RCAN3: variants seen among roughly 807,000 people sequenced by gnomAD.
RCAN3 encodes the protein regulator of calcineurin 3.
Under a neutral mutation model 21.9 loss-of-function variants are expected in RCAN3, and 19 were observed. The observed-to-expected ratio is 0.87, with a 90% CI of 0.61 to 1.27. The LOEUF (loss-of-function observed/expected upper bound fraction) is 1.27. Ranked by LOEUF, RCAN3 falls within the 50% of genes most tolerant of loss-of-function variation. The probability of loss-of-function intolerance (pLI) is 0.00; values close to 1 mark genes in which losing one functional copy is unlikely to be tolerated. For synonymous variants in RCAN3, 114 were observed against 112.3 expected, an observed-to-expected ratio of 1.01 and a Z score of -0.09; for missense variants, 240 against 300.1, an observed-to-expected ratio of 0.80 and a Z score of 1.48.
rs1650443313 is a variant in RCAN3 at position 24,540,631 on chromosome 1, C to A, written c.*5354C>A. On this transcript the variant is annotated 3_prime_UTR_variant, in exon 5 of 5. Coordinates refer to ENST00000374395, the MANE Select transcript of RCAN3 (RefSeq NM_013441.4). ...GACGGTTCTGCTATAATGTGCGTGC[C>A]CTTCAAGTTTCAGAAAACTTTCCCA... The A allele has an allele frequency of 6.6e-6, 1 of 152,120 alleles. No homozygotes were observed. Among genetic ancestry groups the A allele is most frequent in the Non-Finnish European group, 1.5e-5 (1 of 68,012 alleles). The allele number at this position is 152,120 out of a possible 1,614,324, so 9.4% of individuals were successfully genotyped here. A position where few individuals can be genotyped will look rare whatever the true frequency, so the allele number is the denominator to read the frequency against.
At chr1:24,509,671 A>C (rs1367812208) in intron 1 of RCAN3, among the ~76,000 whole-genome samples, 2 of 152,164 alleles carry the variant, frequency 1.3e-5, no homozygotes, top group Non-Finnish European at 2.9e-5. Context: ...TGAACACCTC[A>C]GAGTCATCCA....
At chr1:24,505,132 G>C (rs536447703) in intron 1 of RCAN3, among the ~76,000 whole-genome samples, 2 of 150,068 alleles carry the variant, frequency 1.3e-5, no homozygotes, top group African/African-American at 4.9e-5. Flanking sequence ...TAAATGAGTA[G>C]AGAATAGAAG....
intron 1 of RCAN3, among the ~76,000 whole-genome samples, 170 bp from the exon 2 acceptor site, chr1:24,514,144 A>T (rs60021876): frequency 1.3e-4 from 20 of 152,374 alleles, no homozygotes; most frequent in African/African-American, 4.6e-4. Context: ...AAATCAAATT[A>T]GCGTATCTAG....
chr1:24,522,380 C>T (rs1383251488), intron 2 of RCAN3, among the ~76,000 whole-genome samples: 4 of 152,184 alleles, frequency 2.6e-5, no homozygotes. Flanking sequence ...TTGATGCATG[C>T]ACAGACTTGG....
intron 1 of RCAN3, among the ~76,000 whole-genome samples, chr1:24,511,492 A>C (rs1218169936): frequency 6.6e-6 from 1 of 151,264 alleles, no homozygotes; most frequent in East Asian, 1.9e-4. Context: ...GAACACCCAC[A>C]ACACGTATTG....
intron 1 of RCAN3, among the ~76,000 whole-genome samples, chr1:24,513,866 C>T (rs1046936525): frequency 6.6e-6 from 1 of 152,140 alleles, no homozygotes; most frequent in Non-Finnish European, 1.5e-5. Context: ...TCATCACAGA[C>T]CATATTTCAG....
chr1:24,535,311 G>C lies in RCAN3; in HGVS notation c.*34G>C. 1 of 1,506,160 alleles carries C rather than the reference G, an allele frequency of 6.6e-7. No homozygotes were observed. The highest frequency in any genetic ancestry group is 8.8e-7 in the Non-Finnish European group (1 of 1,134,974). 93.3% of individuals were successfully genotyped at this position (1,506,160 alleles called of 1,614,324 possible). A position where few individuals can be genotyped will look rare whatever the true frequency, so the allele number is the denominator to read the frequency against. ...GTTGTGGTGCGAGGCGGCTGCCCTG[G>C]TGGGCTCTGGCCATGGCGCTCTGTG... is the stretch of plus-strand genomic sequence containing the variant. On this transcript the variant is annotated 3_prime_UTR_variant, in exon 5 of 5. Coordinates refer to ENST00000374395, the MANE Select transcript of RCAN3 (RefSeq NM_013441.4).
chr1:24,512,155 GC>G (rs1467520730), intron 1 of RCAN3, among the ~76,000 whole-genome samples: 1 of 152,024 alleles, frequency 6.6e-6, no homozygotes. Context: ...TTCGAGACCA[GC>G]CTGGCCAACA....
chr1:24,511,436 C>T (rs1455859613), intron 1 of RCAN3, among the ~76,000 whole-genome samples: 1 of 152,132 alleles, frequency 6.6e-6, no homozygotes, highest in African/African-American at 2.4e-5. Flanking sequence ...TAAGAACACC[C>T]ACGACGTGTA....
rs557600612 is a variant in RCAN3, at chr1:24,532,927, C to CA, written c.370-156_370-155insA. On this transcript the variant is annotated intron_variant, in intron 3 of 4. Coordinates refer to ENST00000374395, the MANE Select transcript of RCAN3 (RefSeq NM_013441.4). Reference sequence around the variant, plus strand: ...TTGGACCACTGCACTCCAGCCTGGGCGACAAAGTGAGACTCCGTCTCAAAA... The same window carrying CA: ...TTGGACCACTGCACTCCAGCCTGGGCAGACAAAGTGAGACTCCGTCTCAAAA... 6.1e-3 allele frequency among the ~76,000 whole-genome samples: 692 copies of CA among 112,610 alleles called. 8 individuals carry two copies. Among genetic ancestry groups the CA allele is most frequent in the Middle Eastern group, 0.01 (1 of 98 alleles). 73.9% of individuals were successfully genotyped at this position (112,610 alleles called of 152,430 possible). A position where few individuals can be genotyped will look rare whatever the true frequency, so the allele number is the denominator to read the frequency against.
At chr1:24,533,642 T>G (rs936654305) in intron 4 of RCAN3, among the ~76,000 whole-genome samples, 12 of 151,866 alleles carry the variant, frequency 7.9e-5, no homozygotes, top group African/African-American at 2.7e-4. Flanking sequence ...TCTACTAAAA[T>G]ATAAAAAATT....
Position 24,503,124 on chromosome 1 carries a change from C to G in RCAN3, c.-86C>G, listed in dbSNP as rs1647210626. 1 of 148,484 alleles carries G rather than the reference C, an allele frequency of 6.7e-6. No individual in the cohort carries two copies. The highest frequency in any genetic ancestry group is 1.5e-5 in the Non-Finnish European group (1 of 66,516). 9.2% of individuals were successfully genotyped at this position (148,484 alleles called of 1,614,324 possible). Reference sequence around the variant, plus strand: ...GCGGCGGCGGGGCGTGCAGGTGAGGCCCCACGGCGCCCGGCCTCTCCAGCA... The same window carrying G: ...GCGGCGGCGGGGCGTGCAGGTGAGGGCCCACGGCGCCCGGCCTCTCCAGCA... On this transcript the variant is annotated 5_prime_UTR_variant, in exon 1 of 5. Coordinates refer to ENST00000374395, the MANE Select transcript of RCAN3 (RefSeq NM_013441.4).
chr1:24,528,246 GAAAAAAAGAAAAAA>G (rs957686548), intron 2 of RCAN3, among the ~76,000 whole-genome samples: 71 of 63,014 alleles, frequency 1.1e-3, no homozygotes, highest in Middle Eastern at 7.9e-3. Context: ...AAAATAGTTG[GAAAAAAAGAAAAAA>G]AAAAAAAGAA....
intron 1 of RCAN3, among the ~76,000 whole-genome samples, chr1:24,507,350 T>G (rs1647522134): frequency 6.6e-6 from 1 of 152,234 alleles, no homozygotes; most frequent in Non-Finnish European, 1.5e-5. Flanking sequence ...AGTCTCACCA[T>G]TGCCTCCTTG....
chr1:24,514,318 T>A lies in RCAN3; in HGVS notation c.-55T>A, dbSNP rs537904114. 63 of 1,405,234 alleles carry A rather than the reference T, an allele frequency of 4.5e-5. 1 individual carries two copies. In the South Asian group the frequency reaches 1.0e-3, roughly 23 times the overall value. The allele number at this position is 1,405,234 out of a possible 1,614,324, so 87.0% of individuals were successfully genotyped here. On this transcript the variant is annotated 5_prime_UTR_variant, in exon 2 of 5. Coordinates refer to ENST00000374395, the MANE Select transcript of RCAN3 (RefSeq NM_013441.4). The stretch of plus-strand genomic sequence containing the variant: ...CATTTTCTTTTTTTTTAACAGTGGG[T>A]GCCTGATAGACATCCTAGGACTATA...
chr1:24,521,151 T>A (rs1648771693), intron 2 of RCAN3, among the ~76,000 whole-genome samples: 1 of 152,194 alleles, frequency 6.6e-6, no homozygotes, highest in African/African-American at 2.4e-5. Flanking sequence ...GAGACGAACC[T>A]TTGTATATAT....
chr1:24,515,804 G>A (rs1648269778), intron 2 of RCAN3, among the ~76,000 whole-genome samples: 1 of 152,122 alleles, frequency 6.6e-6, no homozygotes, highest in Admixed American at 6.6e-5. Flanking sequence ...AGGCAGCAGG[G>A]ATGACAAGCA....
rs1557582047 is a variant in RCAN3, at chr1:24,535,285, GGT to G, written c.*9_*10del. 6.6e-7 allele frequency: 1 copy of G among 1,526,130 alleles called. No individual in the cohort carries two copies. Among genetic ancestry groups the G allele is most frequent in the South Asian group, 1.3e-5 (1 of 74,854 alleles). 94.5% of individuals were successfully genotyped at this position (1,526,130 alleles called of 1,614,324 possible). A position where few individuals can be genotyped will look rare whatever the true frequency, so the allele number is the denominator to read the frequency against. Reference sequence around the variant, plus strand: ...TTTGATTGCGCGCTGTGAGGCCCTTGGTTGTGGTGCGAGGCGGCTGCCCTGGT... The same window carrying G: ...TTTGATTGCGCGCTGTGAGGCCCTTGTGTGGTGCGAGGCGGCTGCCCTGGT... On this transcript the variant is annotated 3_prime_UTR_variant, in exon 5 of 5. Coordinates refer to ENST00000374395, the MANE Select transcript of RCAN3 (RefSeq NM_013441.4).
intron 2 of RCAN3, among the ~76,000 whole-genome samples, chr1:24,521,903 TGG>T (rs77051973): frequency 0.2 from 22,689 of 112,070 alleles, 1,819 homozygotes; most frequent in African/African-American, 0.25. Context: ...TATTGGTTGC[TGG>T]GGGGGGTGGG....
Sources: gnomAD v4.1 joint callset for allele counts (sites outside exome capture counted in the v4.1 genomes callset) on GRCh38, gnomAD v4.1.1 for gene constraint, MANE v1.5 for transcripts, NCBI Gene and HGNC (gene_info 2026-07-23, HGNC 2026-07-21) for gene names.